STRBP: variants seen among roughly 807,000 people sequenced by gnomAD.
STRBP encodes the protein spermatid perinuclear RNA-binding protein.
A neutral mutation model predicts 80.1 loss-of-function variants in STRBP; 13 were observed. The ratio of observed to expected loss-of-function variants is 0.16; its 90% CI spans 0.11 to 0.26. The LOEUF is 0.26. STRBP is among the 10% of genes least tolerant of loss of function. The pLI, the probability that STRBP is intolerant of heterozygous loss-of-function variation, is 1.00. For missense variants in STRBP, 485 were observed against 815.2 expected (o/e 0.59, Z 4.93); for synonymous variants, 284 against 291.2 (o/e 0.98, Z 0.25).
At chr9:123,151,687 G>A (rs1314531366) in intron 11 of STRBP, among the ~76,000 whole-genome samples, 1 of 152,072 alleles carries the variant, frequency 6.6e-6, no homozygotes, top group Non-Finnish European at 1.5e-5. Context: ...ATAAATCTGT[G>A]CTTAAAGGGA....
chr9:123,250,652 A>C (rs992934364), intron 1 of STRBP, among the ~76,000 whole-genome samples: 1 of 152,234 alleles, frequency 6.6e-6, no homozygotes, highest in African/African-American at 2.4e-5. Flanking sequence ...ACACTGTACA[A>C]CTTGGAGCAG....
chr9:123,170,126 A>G, intron 5 of STRBP, 80 bp from the exon 6 acceptor site: 1 of 1,380,102 alleles, frequency 7.2e-7, no homozygotes, highest in Non-Finnish European at 9.8e-7. Flanking sequence ...GCTTGTACTA[A>G]GTTCTCGAAT....
At chr9:123,223,037 CAGATAGATAGATGATAGAT>C (rs1406449660) in intron 2 of STRBP, among the ~76,000 whole-genome samples, 4 of 145,584 alleles carry the variant, frequency 2.7e-5, no homozygotes, top group African/African-American at 1.0e-4. Context: ...GAAGGAAGCT[CAGATAGATAGATGATAGAT>C]AGATAGATAG....
chr9:123,121,676 AG>A lies in STRBP; in HGVS notation c.*3920del, dbSNP rs1365852881. On this transcript the variant is annotated 3_prime_UTR_variant, in exon 19 of 19. Coordinates refer to ENST00000348403, the MANE Select transcript of STRBP (RefSeq NM_018387.5). Reference sequence around the variant, plus strand: ...TATGGCTTCTTGCTGTTGTTGTATTAGGGCATACAACACAGATCAGAGACTT... The same window carrying A: ...TATGGCTTCTTGCTGTTGTTGTATTAGGCATACAACACAGATCAGAGACTT... The A allele has an allele frequency of 7.4e-6, 1 of 135,430 alleles. No individual in the cohort carries two copies. Among genetic ancestry groups the A allele is most frequent in the Non-Finnish European group, 1.6e-5 (1 of 63,312 alleles). 8.4% of individuals were successfully genotyped at this position (135,430 alleles called of 1,614,324 possible). A position where few individuals can be genotyped will look rare whatever the true frequency, so the allele number is the denominator to read the frequency against.
At chr9:123,186,978 T>C (rs1214425705) in intron 2 of STRBP, among the ~76,000 whole-genome samples, 1 of 152,074 alleles carries the variant, frequency 6.6e-6, no homozygotes, top group African/African-American at 2.4e-5. Context: ...TTTCCTTTCT[T>C]AATAAAATGA....
At position 123,123,238 on chromosome 9, in the gene STRBP, A is replaced by C. The variant is rs577860274; in HGVS notation, c.*2359T>G. The C allele has an allele frequency of 1.0e-6, 1 of 985,418 alleles. No homozygotes were observed. The highest frequency in any genetic ancestry group is 4.7e-5 in the South Asian group (1 of 21,292). The allele number at this position is 985,418 out of a possible 1,614,324, so 61.0% of individuals were successfully genotyped here. On this transcript the variant is annotated 3_prime_UTR_variant, in exon 19 of 19. Coordinates refer to ENST00000348403, the MANE Select transcript of STRBP (RefSeq NM_018387.5). ...CCTACAGTGGAGAAAAGAGCAGAGA[A>C]GCAAAACTTCATGTTAATCTCAGGC...
At position 123,122,316 on chromosome 9, in the gene STRBP, A is replaced by G; in HGVS notation, c.*3281T>C. 7.8e-7 allele frequency: 1 copy of G among 1,288,852 alleles called. No homozygotes were observed. Among genetic ancestry groups the G allele is most frequent in the Non-Finnish European group, 1.0e-6 (1 of 988,424 alleles). 79.8% of individuals were successfully genotyped at this position (1,288,852 alleles called of 1,614,324 possible). On this transcript the variant is annotated 3_prime_UTR_variant, in exon 19 of 19. Transcript: ENST00000348403. ...AGATAAACGTGCTGAAAACTGCTTAAAAGTATTAACCTGAAATACACAGAG... is the reference window on the plus strand; with the variant it reads ...AGATAAACGTGCTGAAAACTGCTTAGAAGTATTAACCTGAAATACACAGAG...
rs945263180 is a variant in STRBP, at chr9:123,123,363, G to C, written c.*2234C>G. The C allele has an allele frequency of 1.0e-6, 1 of 985,212 alleles. No individual in the cohort carries two copies. The highest frequency in any genetic ancestry group is 1.7e-5 in the African/African-American group (1 of 57,208). 61.0% of individuals were successfully genotyped at this position (985,212 alleles called of 1,614,324 possible). A position where few individuals can be genotyped will look rare whatever the true frequency, so the allele number is the denominator to read the frequency against. On this transcript the variant is annotated 3_prime_UTR_variant, in exon 19 of 19. Transcript: ENST00000348403. ...GGAAGGGTGGGAAGGGCAACAGGTGGGGGGACACTTAATTCATTACAGAAT... is the reference window on the plus strand; with the variant it reads ...GGAAGGGTGGGAAGGGCAACAGGTGCGGGGACACTTAATTCATTACAGAAT...
At position 123,135,924 on chromosome 9, in the gene STRBP, A is replaced by C. The variant is rs547760241; in HGVS notation, c.1773+117T>G. The C allele has an allele frequency of 2.7e-5, 37 of 1,363,970 alleles. 1 individual carries two copies. The African/African-American group carries it at 4.8e-4, about 18-fold the overall frequency. 84.5% of individuals were successfully genotyped at this position (1,363,970 alleles called of 1,614,324 possible). A position where few individuals can be genotyped will look rare whatever the true frequency, so the allele number is the denominator to read the frequency against. ...ACCTAACCCAAAGCAAAGGTCACCA[A>C]GTCCAAGAAAAGGAAACAACTTCAG... is the stretch of plus-strand genomic sequence containing the variant. On this transcript the variant is annotated intron_variant, in intron 16 of 18. Transcript: ENST00000348403.
intron 11 of STRBP, among the ~76,000 whole-genome samples, chr9:123,150,322 G>A (rs2036997588): frequency 6.6e-6 from 1 of 152,110 alleles, no homozygotes; most frequent in Admixed American, 6.6e-5. Flanking sequence ...AGTCAAAAAA[G>A]GCTTCCCAAC....
chr9:123,208,975 G>A (rs979860192), intron 2 of STRBP, among the ~76,000 whole-genome samples: 1 of 152,142 alleles, frequency 6.6e-6, no homozygotes, highest in African/African-American at 2.4e-5. Flanking sequence ...ATGGTTAGGT[G>A]ACATGCTCTG....
At chr9:123,262,648 A>C (rs1385891284) in intron 1 of STRBP, among the ~76,000 whole-genome samples, 1 of 152,238 alleles carries the variant, frequency 6.6e-6, no homozygotes, top group Non-Finnish European at 1.5e-5. Flanking sequence ...GATGTTTTAC[A>C]CAGCGCTAGT....
intron 10 of STRBP, 44 bp downstream of exon 10, chr9:123,158,288 T>A (rs368602323): frequency 1.3e-6 from 2 of 1,595,430 alleles, no homozygotes; most frequent in South Asian, 2.2e-5. Flanking sequence ...AATTAAGTTA[T>A]GTTATTTCAC....
Position 123,210,187 on chromosome 9 carries a change from G to C in STRBP, c.-164-25889C>G, listed in dbSNP as rs1225820599. Among the ~76,000 whole-genome samples the C allele has an allele frequency of 3.9e-5, 6 of 152,182 alleles. No individual in the cohort carries two copies. The South Asian group carries it at 6.2e-4, about 16-fold the overall frequency. ...CCTTTAAATAAGTGTCAACTATAGA[G>C]TTAACAGATATGGGCATCGAAAATG... On this transcript the variant is annotated intron_variant, in intron 2 of 18. Coordinates refer to ENST00000348403, the MANE Select transcript of STRBP (RefSeq NM_018387.5).
At chr9:123,175,919 A>G (rs1376342363) in intron 4 of STRBP, among the ~76,000 whole-genome samples, 1 of 152,224 alleles carries the variant, frequency 6.6e-6, no homozygotes, top group Non-Finnish European at 1.5e-5. Flanking sequence ...TTGGACACTT[A>G]CCATATTGGA....
At chr9:123,184,054 C>T (rs756875173) in intron 3 of STRBP, 78 bp downstream of exon 3, 71 of 1,430,102 alleles carry the variant, frequency 5.0e-5, no homozygotes, top group Non-Finnish European at 6.4e-5. Flanking sequence ...TTTCATTTGC[C>T]CTCACTGTTA....
chr9:123,199,172 G>A (rs952092586), intron 2 of STRBP, among the ~76,000 whole-genome samples: 8 of 152,154 alleles, frequency 5.3e-5, no homozygotes, highest in African/African-American at 1.2e-4. Flanking sequence ...TTTGACCTGT[G>A]ATCTGCCCGC....
chr9:123,123,791 T>C lies in STRBP; in HGVS notation c.*1806A>G, dbSNP rs1406109741. The C allele has an allele frequency of 1.0e-6, 1 of 985,274 alleles. No individual in the cohort carries two copies. The highest frequency in any genetic ancestry group is 1.7e-5 in the African/African-American group (1 of 57,220). The allele number at this position is 985,274 out of a possible 1,614,324, so 61.0% of individuals were successfully genotyped here. A position where few individuals can be genotyped will look rare whatever the true frequency, so the allele number is the denominator to read the frequency against. ...GACAATGAGGACTACTGTAAAGATT[T>C]AATTAATAAAAACTGGACACTATCA... is the stretch of plus-strand genomic sequence containing the variant. On this transcript the variant is annotated 3_prime_UTR_variant, in exon 19 of 19. Transcript: ENST00000348403.
intron 2 of STRBP, among the ~76,000 whole-genome samples, chr9:123,209,115 T>C (rs1245879908): frequency 6.6e-6 from 1 of 152,200 alleles, no homozygotes; most frequent in East Asian, 1.9e-4. Flanking sequence ...CCCACATATA[T>C]TCTGTTAAGT....
Sources: allele counts gnomAD v4.1 joint callset (sites outside exome capture counted in the v4.1 genomes callset), GRCh38; gene constraint gnomAD v4.1.1; transcripts MANE v1.5; gene names NCBI Gene and HGNC (gene_info 2026-07-23, HGNC 2026-07-21).